The following PRKDC variants were observed in gnomAD, a reference collection of about 807,000 sequenced individuals.
The protein encoded by PRKDC is DNA-dependent protein kinase catalytic subunit.
In PRKDC, 82 loss-of-function variants were observed where a neutral mutation model predicts 486.9. That is an observed-to-expected ratio of 0.17 (90% CI 0.14 to 0.20). The LOEUF (loss-of-function observed/expected upper bound fraction) is 0.20, where lower values mean the gene tolerates loss of function less well. Among genes scored for constraint, PRKDC ranks in the 10% least tolerant of loss-of-function variants. The probability of loss-of-function intolerance (pLI) is 1.00; values close to 1 mark genes in which losing one functional copy is unlikely to be tolerated. For missense variants in PRKDC, 4,504 were observed against 5,038.2 expected (o/e 0.89, Z 3.21); for synonymous variants, 1,895 against 1,837.0 (o/e 1.03, Z -0.81).
intron 11 of PRKDC, among the ~76,000 whole-genome samples, chr8:47,937,267 A>C (rs1023977575): frequency 5.3e-5 from 8 of 152,098 alleles, no homozygotes; most frequent in African/African-American, 1.9e-4. Context: ...TCAAAAAATA[A>C]ATAAATAAAT....
In PRKDC at chr8:47,849,411, T is replaced by C. The variant is rs1266734717; in HGVS notation, c.7098A>G (p.Lys2366=). Residue 2366 remains lysine (K), a synonymous_variant, in exon 53 of 86, where the codon AAA becomes AAG. Coordinates refer to ENST00000314191, the MANE Select transcript of PRKDC (RefSeq NM_006904.7). ...MEDKFIVCLN[K]VTKSFPPLAD... is the part of the protein sequence containing the mutation. ...CAAGAGGAGGGAAGCTCTTGGTCAC[T>C]TTGTTCAAGCACACAATAAACTTGT... 1.2e-6 allele frequency: 2 copies of C among 1,613,934 alleles called. No individual in the cohort carries two copies. Among genetic ancestry groups the C allele is most frequent in the Non-Finnish European group, 1.7e-6 (2 of 1,179,920 alleles).
rs1308530637 is a variant in PRKDC, at chr8:47,957,183, A to C, written c.312T>G (p.Ser104=). 1 of 1,576,456 alleles carries C rather than the reference A, an allele frequency of 6.3e-7. No homozygotes were observed. Among genetic ancestry groups the C allele is most frequent in the Admixed American group, 1.7e-5 (1 of 59,224 alleles). The change falls in exon 3 of 86, where the codon TCT becomes TCG. Residue 104 remains serine, a synonymous_variant. Coordinates refer to ENST00000314191, the MANE Select transcript of PRKDC (RefSeq NM_006904.7). ...EKMGQKIAPY[S]VEIKNTCTSV... is the part of the protein sequence containing the mutation. ...TTTTAATTCTTACCTTAATTTCAAC[A>C]GAGTAAGGTGCGATCTTCTGGCCCA...
chr8:47,953,283 A>AG (rs1340969716), intron 7 of PRKDC, among the ~76,000 whole-genome samples: 1 of 152,196 alleles, frequency 6.6e-6, no homozygotes, highest in Non-Finnish European at 1.5e-5. Context: ...CTCCAGCCTG[A>AG]GCGACAGAGC....
intron 11 of PRKDC, among the ~76,000 whole-genome samples, chr8:47,937,792 C>T (rs1315325718): frequency 6.6e-6 from 1 of 152,082 alleles, no homozygotes; most frequent in African/African-American, 2.4e-5. Flanking sequence ...TTTAAAGTCG[C>T]CAACAGAGAC....
In PRKDC at chr8:47,817,522, T is replaced by C; in HGVS notation, c.9485A>G (p.Asn3162Ser). 1 of 1,606,472 alleles carries C rather than the reference T, an allele frequency of 6.2e-7. No homozygotes were observed. The highest frequency in any genetic ancestry group is 1.1e-5 in the South Asian group (1 of 89,388). The change falls in exon 68 of 86, where the codon AAC becomes AGC. Residue 3162 changes from asparagine to serine, a missense_variant. This residue lies in a region of PRKDC where 1,592 missense variants were observed against 1,724.6 expected (regional missense o/e 0.92). Transcript: ENST00000314191. ...ATCTGGATATCTGTTTGTCCAGGTGTTCAGAAGTCTCTTAAGGGGAACTTG... is the reference window on the plus strand; with the variant it reads ...ATCTGGATATCTGTTTGTCCAGGTGCTCAGAAGTCTCTTAAGGGGAACTTG... Reference protein sequence around the residue: ...SSQVPLKRLLNTWTNRYPDAK... With the variant: ...SSQVPLKRLLSTWTNRYPDAK...
In PRKDC at chr8:47,879,638, A is replaced by C. The variant is rs6992074; in HGVS notation, c.5088T>G (p.Leu1696=). 2.2e-3 allele frequency: 3,453 copies of C among 1,583,438 alleles called. 79 individuals carry two copies. The African/African-American group carries it at 0.038, about 18-fold the overall frequency. The change falls in exon 39 of 86, where the codon CTT becomes CTG. Residue 1696 remains leucine (L), a synonymous_variant. Coordinates refer to ENST00000314191, the MANE Select transcript of PRKDC (RefSeq NM_006904.7). ...CTCCAGTGAGGCTGGTGAAGAATGG[A>C]AGAAGAGTGACAGCTTGGCCCTGTG... ...LHLKGQAVTL[L]PFFTSLTGGS...
chr8:47,951,664 T>C (rs950014545), intron 7 of PRKDC, among the ~76,000 whole-genome samples: 1 of 151,886 alleles, frequency 6.6e-6, no homozygotes, highest in Non-Finnish European at 1.5e-5. Flanking sequence ...CAGTGAGCCA[T>C]GTTTGAGCCA....
At chr8:47,925,636 GATA>G (rs2090144902) in intron 21 of PRKDC, among the ~76,000 whole-genome samples, 1 of 152,160 alleles carries the variant, frequency 6.6e-6, no homozygotes, top group Admixed American at 6.5e-5. Flanking sequence ...TCTGGATTTT[GATA>G]ATAATACTGT....
chr8:47,778,610 C>T lies in PRKDC; in HGVS notation c.11702G>A (p.Arg3901His), dbSNP rs1338269358. 2.5e-6 allele frequency: 4 copies of T among 1,613,604 alleles called. No homozygotes were observed. The highest frequency in any genetic ancestry group is 2.5e-6 in the Non-Finnish European group (3 of 1,179,748). The change falls in exon 83 of 86, where the codon CGC (arginine) becomes CAC (histidine). Residue 3901 changes from arginine to histidine, a missense_variant. Coordinates refer to ENST00000314191, the MANE Select transcript of PRKDC (RefSeq NM_006904.7). ...STSPEAFLAL[R>H]SHFASSHALI... ...AGCGTGAGAGCTGGCGAAGTGGGAG[C>T]GGAGCGCCAGGAAAGCCTCAGGGCT... is the stretch of plus-strand genomic sequence containing the variant.
At chr8:47,929,702 T>C in intron 18 of PRKDC, 151 bp downstream of exon 18, 1 of 846,736 alleles carries the variant, frequency 1.2e-6, no homozygotes, top group South Asian at 2.4e-5. Flanking sequence ...GCTATCCAAC[T>C]GCCATTCACA....
chr8:47,839,978 A>G, intron 55 of PRKDC, 38 bp downstream of exon 55: 1 of 1,481,956 alleles, frequency 6.7e-7, no homozygotes, highest in Non-Finnish European at 9.1e-7. Context: ...CCTTATCTCA[A>G]AAAAGTAACA....
At chr8:47,877,641 C>CTT in intron 40 of PRKDC, 83 bp downstream of exon 40, 3 of 1,263,130 alleles carry the variant, frequency 2.4e-6, no homozygotes, top group Non-Finnish European at 2.1e-6. Flanking sequence ...TGCCACTCAG[C>CTT]TTTTTTTTTG....
intron 54 of PRKDC, among the ~76,000 whole-genome samples, chr8:47,845,816 T>A (rs1471229078): frequency 6.6e-6 from 1 of 152,046 alleles, no homozygotes. Flanking sequence ...GAAGGACTCC[T>A]CCCTGACTCA....
intron 22 of PRKDC, among the ~76,000 whole-genome samples, chr8:47,916,196 C>A (rs182012267): frequency 6.6e-6 from 1 of 152,200 alleles, no homozygotes; most frequent in East Asian, 1.9e-4. Flanking sequence ...CACCTGTATC[C>A]CAGCATTTTG....
In PRKDC at chr8:47,819,467, G is replaced by A. The variant is rs1418662853; in HGVS notation, c.9380C>T (p.Thr3127Ile). 1.3e-6 allele frequency: 2 copies of A among 1,552,800 alleles called. No homozygotes were observed. Among genetic ancestry groups the A allele is most frequent in the Non-Finnish European group, 1.7e-6 (2 of 1,155,294 alleles). The change falls in exon 67 of 86, where the codon ACC (threonine) becomes ATC (isoleucine). Residue 3127 changes from threonine to isoleucine, a missense_variant. Physicochemically the swap from Thr to Ile is moderately conservative, Grantham distance 89. Coordinates refer to ENST00000314191, the MANE Select transcript of PRKDC (RefSeq NM_006904.7). ...IDVLLHQSRL[T>I]KLQSVQALTE... is the part of the protein sequence containing the mutation. The stretch of plus-strand genomic sequence containing the variant: ...TAAAGCCTGTACAGACTGCAATTTG[G>A]TGAGTCTACTTTGGTGTAAGAGGAC...
chr8:47,928,001 T>C lies in PRKDC; in HGVS notation c.2140-111A>G, dbSNP rs534437060. The C allele has an allele frequency of 9.7e-4, 979 of 1,008,792 alleles. 25 individuals are homozygous for C. The South Asian group carries it at 0.028, about 29-fold the overall frequency. The allele number at this position is 1,008,792 out of a possible 1,614,324, so 62.5% of individuals were successfully genotyped here. ...TACAAAAATTGGCACGTAGCCTTTA[T>C]TGACATGACCACATTCACTTACAAA... On this transcript the variant is annotated intron_variant, in intron 19 of 85. Coordinates refer to ENST00000314191, the MANE Select transcript of PRKDC (RefSeq NM_006904.7).
chr8:47,803,270 C>T, intron 70 of PRKDC, 36 bp downstream of exon 70: 1 of 1,566,202 alleles, frequency 6.4e-7, no homozygotes, highest in Non-Finnish European at 8.6e-7. Context: ...TAACACAGCC[C>T]TTTAAGATAT....
chr8:47,803,255 C>G, intron 70 of PRKDC, 51 bp downstream of exon 70: 1 of 1,516,906 alleles, frequency 6.6e-7, no homozygotes, highest in African/African-American at 1.4e-5. Flanking sequence ...ATACACAAGA[C>G]AATATAACAC....
At chr8:47,837,499 A>T in intron 56 of PRKDC, 80 bp from the exon 57 acceptor site, 2 of 1,106,306 alleles carry the variant, frequency 1.8e-6, no homozygotes, top group Non-Finnish European at 2.6e-6. Context: ...TGTCCTGTGG[A>T]GAAGGCACAG....
Sources: allele counts gnomAD v4.1 joint callset (sites outside exome capture counted in the v4.1 genomes callset), GRCh38; gene constraint gnomAD v4.1.1; regional missense constraint gnomAD v4.1.1; transcripts MANE v1.5; gene names NCBI Gene and HGNC (gene_info 2026-07-23, HGNC 2026-07-21).